Variants in ANO1 observed in about 807,000 individuals in gnomAD.
ANO1 encodes anoctamin 1.
Under a neutral mutation model 124.0 loss-of-function variants are expected in ANO1, and 59 were observed. That is an observed-to-expected ratio of 0.48 (90% CI 0.39 to 0.59). ANO1 has a LOEUF of 0.59. Ranked by LOEUF, ANO1 falls within the 20% of genes least tolerant of loss-of-function variation. ANO1 has a pLI of 0.00. For synonymous variants in ANO1, 529 were observed against 532.0 expected (o/e 0.99, Z 0.08); for missense variants, 1,059 against 1,328.0 (o/e 0.80, Z 3.15).
intron 24 of ANO1, 117 bp downstream of exon 24, chr11:70,182,803 AAAG>A (rs909094393): frequency 2.7e-5 from 28 of 1,018,546 alleles, no homozygotes; most frequent in African/African-American, 1.8e-4. Context: ...ACTTGCTTAA[AAAG>A]AAGAAGAAGG....
intron 5 of ANO1, 95 bp from the exon 6 acceptor site, chr11:70,108,258 C>A: frequency 7.9e-7 from 1 of 1,264,638 alleles, no homozygotes. Context: ...TCATGCGTAA[C>A]GTGTGACCAG....
At chr11:70,019,222 G>A (rs1326767085) in intron 1 of ANO1, among the ~76,000 whole-genome samples, 1 of 145,238 alleles carries the variant, frequency 6.9e-6, no homozygotes, top group Non-Finnish European at 1.5e-5. Context: ...TGGGATGCAG[G>A]GGAGGGAAAG....
intron 10 of ANO1, among the ~76,000 whole-genome samples, chr11:70,127,555 G>A (rs1216950556): frequency 2.0e-5 from 3 of 152,200 alleles, no homozygotes; most frequent in Non-Finnish European, 4.4e-5. Flanking sequence ...GTTTTGCCTG[G>A]TGCGATGGCG....
At chr11:70,172,468 G>A (rs771770107) in intron 22 of ANO1, among the ~76,000 whole-genome samples, 1 of 152,134 alleles carries the variant, frequency 6.6e-6, no homozygotes, top group Non-Finnish European at 1.5e-5. Flanking sequence ...TAAACAAAAG[G>A]TTGAATTACA....
At chr11:69,978,384 C>T in the ANO1 span, among the ~76,000 whole-genome samples, 33 of 152,082 alleles carry the variant, frequency 2.2e-4, no homozygotes, top group Non-Finnish European at 3.4e-4. Context: ...GGCCTCACTC[C>T]CGGTAGTGCA....
chr11:70,185,215 G>A (rs996310829), intron 24 of ANO1, among the ~76,000 whole-genome samples: 2 of 152,236 alleles, frequency 1.3e-5, no homozygotes, highest in African/African-American at 4.8e-5. Context: ...GCCTATTGGA[G>A]TTTCCAGTGA....
chr11:70,171,106 C>G, intron 22 of ANO1, 67 bp downstream of exon 22: 2 of 1,550,920 alleles, frequency 1.3e-6, no homozygotes, highest in South Asian at 1.2e-5. Context: ...GGGGGTTGCT[C>G]CTCTCCAGAA....
the ANO1 span, among the ~76,000 whole-genome samples, chr11:69,967,140 C>A: frequency 2.0e-5 from 3 of 152,064 alleles, no homozygotes; most frequent in Non-Finnish European, 4.4e-5. Context: ...CCTGGAGAAC[C>A]ACACGCTGTC....
chr11:70,179,989 T>G lies in ANO1; in HGVS notation c.2351-15T>G, dbSNP rs2048871125. 6.2e-7 allele frequency: 1 copy of G among 1,611,206 alleles called. No individual in the cohort carries two copies. The highest frequency in any genetic ancestry group is 8.5e-7 in the Non-Finnish European group (1 of 1,177,450). On this transcript the variant is annotated splice_polypyrimidine_tract_variant and intron_variant, in intron 22 of 25. Coordinates refer to ENST00000355303, the MANE Select transcript of ANO1 (RefSeq NM_018043.7). ...GTGTAGGGCTCTTTAAAACTGTGAC[T>G]TCTTCTTCCCCCAGGAATCTGGTAC... is the stretch of plus-strand genomic sequence containing the variant.
chr11:70,014,155 A>G (rs1453272054), intron 1 of ANO1, among the ~76,000 whole-genome samples: 1 of 150,868 alleles, frequency 6.6e-6, no homozygotes, highest in Non-Finnish European at 1.5e-5. Flanking sequence ...TGAGAGTTTT[A>G]ACATATCAAC....
At chr11:69,989,384 G>A (rs181032254) in intron 1 of ANO1, among the ~76,000 whole-genome samples, 82 of 152,272 alleles carry the variant, frequency 5.4e-4, no homozygotes, top group African/African-American at 1.8e-3. Context: ...ACCTGAAAGA[G>A]ATGGGGGAAG....
At chr11:70,058,885 A>T (rs1857501545) in intron 1 of ANO1, among the ~76,000 whole-genome samples, 4 of 152,138 alleles carry the variant, frequency 2.6e-5, no homozygotes, top group Admixed American at 2.6e-4. Flanking sequence ...TTGACTAATA[A>T]AAGCTGGACT....
chr11:70,102,607 G>T (rs373574652), intron 2 of ANO1, among the ~76,000 whole-genome samples: 2 of 152,226 alleles, frequency 1.3e-5, no homozygotes, highest in Non-Finnish European at 2.9e-5. Flanking sequence ...ATGCCCAGAG[G>T]GGGGACCATC....
At chr11:70,015,609 C>T (rs1005362066) in intron 1 of ANO1, 5 of 152,486 alleles carry the variant, frequency 3.3e-5, no homozygotes, top group African/African-American at 9.7e-5. Context: ...GTCACCACTT[C>T]CACGTGGCTC....
chr11:70,065,419 AG>A (rs1472806080), intron 1 of ANO1: 1 of 152,322 alleles, frequency 6.6e-6, no homozygotes, highest in African/African-American at 2.4e-5. Context: ...ATCCAGGAGC[AG>A]CCCCGGGATC....
intron 1 of ANO1, among the ~76,000 whole-genome samples, chr11:70,019,236 A>ACCCC (rs1491098279): frequency 4.2e-5 from 1 of 23,968 alleles, no homozygotes; most frequent in East Asian, 9.7e-4. Flanking sequence ...GGGAAAGAAG[A>ACCCC]ACCCCCCCAC....
chr11:70,165,394 G>A lies in ANO1; in HGVS notation c.1951-76G>A, dbSNP rs569187528. On this transcript the variant is annotated intron_variant, in intron 19 of 25. Coordinates refer to ENST00000355303, the MANE Select transcript of ANO1 (RefSeq NM_018043.7). ...GACGCAGGTCAACCCACAGCATGAG[G>A]GTGGGCCTCCCTGCAGGGCTGGGGT... The A allele has an allele frequency of 5.3e-5, 66 of 1,244,426 alleles. 2 individuals are homozygous for A. The South Asian group carries it at 8.2e-4, about 15-fold the overall frequency. The allele number at this position is 1,244,426 out of a possible 1,614,324, so 77.1% of individuals were successfully genotyped here.
chr11:70,160,876 A>G (rs1379670748), intron 16 of ANO1, among the ~76,000 whole-genome samples: 1 of 152,210 alleles, frequency 6.6e-6, no homozygotes, highest in Admixed American at 6.5e-5. Context: ...ACCGCCTGGT[A>G]AATCCCAGCT....
the ANO1 span, among the ~76,000 whole-genome samples, chr11:69,980,248 G>A: frequency 6.6e-6 from 1 of 152,132 alleles, no homozygotes; most frequent in African/African-American, 2.4e-5. Context: ...AAACTAGAAT[G>A]GTGGTGCCAG....
Sources: gnomAD v4.1 joint callset for allele counts (sites outside exome capture counted in the v4.1 genomes callset) on GRCh38, gnomAD v4.1.1 for gene constraint, MANE v1.5 for transcripts, NCBI Gene and HGNC (gene_info 2026-07-23, HGNC 2026-07-21) for gene names.